The following MAP2K4 variants were observed in gnomAD, a reference collection of about 807,000 sequenced individuals.
MAP2K4 encodes mitogen-activated protein kinase kinase 4.
MAP2K4 carries 4 observed loss-of-function variants against 48.5 expected under a neutral mutation model. The ratio of observed to expected loss-of-function variants is 0.08; its 90% CI spans 0.04 to 0.19. The LOEUF (loss-of-function observed/expected upper bound fraction) is 0.19, where lower values mean the gene tolerates loss of function less well. Among genes scored for constraint, MAP2K4 ranks in the 10% least tolerant of loss-of-function variants. The pLI, the probability that MAP2K4 is intolerant of heterozygous loss-of-function variation, is 1.00. For synonymous variants in MAP2K4, 166 were observed against 173.1 expected (o/e 0.96, Z 0.32); for missense variants, 258 against 493.3 (o/e 0.52, Z 4.52).
intron 9 of MAP2K4, among the ~76,000 whole-genome samples, chr17:12,139,290 A>G (rs951077319): frequency 6.6e-6 from 1 of 152,198 alleles, no homozygotes; most frequent in African/African-American, 2.4e-5. Context: ...ATTTTTATAT[A>G]CTGATGTAGT....
At chr17:12,053,105 C>T (rs1366206628) in intron 1 of MAP2K4, among the ~76,000 whole-genome samples, 3 of 151,960 alleles carry the variant, frequency 2.0e-5, no homozygotes, top group Admixed American at 6.6e-5. Flanking sequence ...TTTCAAGACC[C>T]GGGAGTAATC....
intron 8 of MAP2K4, among the ~76,000 whole-genome samples, chr17:12,126,849 T>C (rs922650032): frequency 1.3e-5 from 2 of 152,228 alleles, no homozygotes; most frequent in Admixed American, 6.5e-5. Flanking sequence ...GATAGCTTCT[T>C]TAGCTGCTTC....
chr17:12,123,134 T>C (rs76524962), intron 7 of MAP2K4, among the ~76,000 whole-genome samples: 2 of 152,134 alleles, frequency 1.3e-5, no homozygotes, highest in Admixed American at 1.3e-4. Context: ...ATGAAATGAG[T>C]TGGGAAGCGT....
At chr17:12,130,946 A>G (rs569733549) in intron 9 of MAP2K4, among the ~76,000 whole-genome samples, 1 of 152,120 alleles carries the variant, frequency 6.6e-6, no homozygotes, top group Non-Finnish European at 1.5e-5. Flanking sequence ...TATCTAAAGT[A>G]TGCATTCTTA....
intron 2 of MAP2K4, chr17:12,069,662 C>T: frequency 1.0e-6 from 1 of 995,704 alleles, no homozygotes; most frequent in Non-Finnish European, 1.2e-6. Flanking sequence ...CATCTTAGAT[C>T]ACAGCAAAGA....
chr17:12,083,481 C>T (rs1329688747), intron 3 of MAP2K4, among the ~76,000 whole-genome samples: 1 of 152,188 alleles, frequency 6.6e-6, no homozygotes, highest in East Asian at 1.9e-4. Context: ...CATGTATACC[C>T]ACCACATGGT....
At chr17:12,024,384 C>G (rs1229159037) in intron 1 of MAP2K4, among the ~76,000 whole-genome samples, 1 of 152,070 alleles carries the variant, frequency 6.6e-6, no homozygotes, top group Admixed American at 6.6e-5. Context: ...TGCCACTGTC[C>G]CTCAGATAAT....
chr17:12,120,353 A>G (rs952760287), intron 7 of MAP2K4, among the ~76,000 whole-genome samples: 1 of 152,044 alleles, frequency 6.6e-6, no homozygotes, highest in African/African-American at 2.4e-5. Context: ...CCAGCTAGTC[A>G]GGAGGCTGAG....
intron 4 of MAP2K4, among the ~76,000 whole-genome samples, chr17:12,104,674 A>G (rs746654801): frequency 6.6e-6 from 1 of 152,022 alleles, no homozygotes; most frequent in Non-Finnish European, 1.5e-5. Context: ...TTACATCCAA[A>G]TAGATGTTTT....
At chr17:12,133,860 A>G (rs1418160872) in intron 9 of MAP2K4, among the ~76,000 whole-genome samples, 1 of 152,204 alleles carries the variant, frequency 6.6e-6, no homozygotes, top group Non-Finnish European at 1.5e-5. Flanking sequence ...TAATTGTGCA[A>G]CTAATTAGGC....
intron 1 of MAP2K4, among the ~76,000 whole-genome samples, chr17:12,033,147 G>C (rs1009734622): frequency 3.9e-5 from 6 of 151,958 alleles, no homozygotes; most frequent in African/African-American, 1.2e-4. Flanking sequence ...AAAAAAAAAT[G>C]CATTTAAGCT....
rs1407647100 is a variant in MAP2K4, at chr17:12,142,419, T to A, written c.*1159T>A. ...TATGTGACTTGCGCTTAATCCAATA[T>A]TTTGCCTTTTTTCTATATCAAAAAA... On this transcript the variant is annotated 3_prime_UTR_variant, in exon 11 of 11. Coordinates refer to ENST00000353533, the MANE Select transcript of MAP2K4 (RefSeq NM_003010.4). 8.6e-6 allele frequency: 2 copies of A among 232,982 alleles called. No homozygotes were observed. The highest frequency in any genetic ancestry group is 1.7e-5 in the Non-Finnish European group (2 of 117,932). 14.4% of individuals were successfully genotyped at this position (232,982 alleles called of 1,614,324 possible).
intron 8 of MAP2K4, among the ~76,000 whole-genome samples, chr17:12,126,493 T>A (rs1166923096): frequency 6.6e-6 from 1 of 152,332 alleles, no homozygotes; most frequent in East Asian, 1.9e-4. Flanking sequence ...TGGTGGCTAG[T>A]GAGGGCTTGC....
intron 3 of MAP2K4, among the ~76,000 whole-genome samples, chr17:12,086,110 T>A (rs1382137666): frequency 6.6e-6 from 1 of 152,218 alleles, no homozygotes; most frequent in Non-Finnish European, 1.5e-5. Context: ...TAGGCCATTT[T>A]ATTCACTTCC....
Position 12,133,532 on chromosome 17 carries a change from T to A in MAP2K4, c.1040+4245T>A, listed in dbSNP as rs545582281. ...GCCTGTTCAGTGGTCACCAAGTGAT[T>A]TTGCTCTCCTCAGATCTCAGCCCAT... On this transcript the variant is annotated intron_variant, in intron 9 of 10. Transcript: ENST00000353533. Among the ~76,000 whole-genome samples, 81 of 152,354 alleles carry A rather than the reference T, an allele frequency of 5.3e-4. 3 individuals carry two copies. The South Asian group carries it at 5.4e-3, about 10-fold the overall frequency.
intron 1 of MAP2K4, among the ~76,000 whole-genome samples, chr17:12,024,169 G>A (rs1294678896): frequency 1.3e-5 from 2 of 152,070 alleles, no homozygotes; most frequent in East Asian, 1.9e-4. Flanking sequence ...TTTTTTTCTG[G>A]ATCTGAGGAC....
chr17:12,106,857 C>CA (rs1163855197), intron 4 of MAP2K4, among the ~76,000 whole-genome samples: 2 of 151,610 alleles, frequency 1.3e-5, no homozygotes, highest in African/African-American at 4.8e-5. Context: ...TATTCATTTT[C>CA]AAAAAAATTG....
At chr17:12,113,392 T>TA (rs1972372312) in intron 7 of MAP2K4, 32 bp downstream of exon 7, 16 of 1,608,888 alleles carry the variant, frequency 9.9e-6, no homozygotes, top group Non-Finnish European at 1.2e-5. Flanking sequence ...TCTTGCTTGA[T>TA]AGTCATTGCA....
In MAP2K4 at chr17:12,068,041, G is replaced by C. The variant is rs1052199554; in HGVS notation, c.218+13050G>C. 2.6e-5 allele frequency among the ~76,000 whole-genome samples: 4 copies of C among 152,202 alleles called. No homozygotes were observed. The East Asian group carries it at 7.7e-4, about 29-fold the overall frequency. On this transcript the variant is annotated intron_variant, in intron 2 of 10. Coordinates refer to ENST00000353533, the MANE Select transcript of MAP2K4 (RefSeq NM_003010.4). ...TTTTACTAGATTTGGGGAAGGGATT[G>C]ATGAGTGTTCCAAGTGGAAGGAATC...
Sources: gnomAD v4.1 joint callset for allele counts (sites outside exome capture counted in the v4.1 genomes callset) on GRCh38, gnomAD v4.1.1 for gene constraint, MANE v1.5 for transcripts, NCBI Gene and HGNC (gene_info 2026-07-23, HGNC 2026-07-21) for gene names.